MLLT3: variants seen among roughly 807,000 people sequenced by gnomAD.
MLLT3 encodes the protein protein AF-9.
MLLT3 carries 4 observed loss-of-function variants against 53.2 expected under a neutral mutation model. The ratio of observed to expected loss-of-function variants is 0.08; its 90% CI spans 0.04 to 0.17. The LOEUF (loss-of-function observed/expected upper bound fraction) is 0.17. Among genes scored for constraint, MLLT3 ranks in the 10% least tolerant of loss-of-function variants. The pLI is 1.00. For missense variants in MLLT3, 569 were observed against 684.0 expected (o/e 0.83, Z 1.87); for synonymous variants, 283 against 230.6 (o/e 1.23, Z -2.06).
At chr9:20,395,311 G>C (rs1822295576) in intron 5 of MLLT3, among the ~76,000 whole-genome samples, 1 of 152,146 alleles carries the variant, frequency 6.6e-6, no homozygotes. Context: ...AACGCTAAAT[G>C]TTATCTACTT....
chr9:20,423,038 T>C (rs756649242), intron 4 of MLLT3, among the ~76,000 whole-genome samples: 1 of 152,138 alleles, frequency 6.6e-6, no homozygotes, highest in Non-Finnish European at 1.5e-5. Context: ...GTGATAAAAC[T>C]GACACTCAAG....
intron 4 of MLLT3, among the ~76,000 whole-genome samples, chr9:20,424,805 G>A (rs1173529483): frequency 2.0e-5 from 3 of 152,144 alleles, no homozygotes; most frequent in Admixed American, 6.5e-5. Context: ...TCAGTAAAAT[G>A]AGGACCATAA....
intron 2 of MLLT3, chr9:20,532,768 G>T: frequency 3.8e-6 from 1 of 264,382 alleles, no homozygotes; most frequent in East Asian, 9.3e-5. Flanking sequence ...TATTACAAGC[G>T]GCTGAAAGCA....
chr9:20,499,303 T>C lies in MLLT3; in HGVS notation c.194-42517A>G, dbSNP rs79479826. 0.011 allele frequency among the ~76,000 whole-genome samples: 1,650 copies of C among 152,308 alleles called. 78 individuals are homozygous for C. The East Asian group carries it at 0.16, about 15-fold the overall frequency. On this transcript the variant is annotated intron_variant, in intron 2 of 10. Transcript: ENST00000380338. ...ATTCAAAGGTACCTGGGGTTAGGAT[T>C]CAACATATATTTGGGAGGATATAAC...
intron 5 of MLLT3, chr9:20,411,724 C>A (rs946646663): frequency 6.6e-6 from 1 of 151,874 alleles, no homozygotes; most frequent in African/African-American, 2.4e-5. Context: ...TCAAATTGAA[C>A]AAGAATTTTA....
intron 2 of MLLT3, among the ~76,000 whole-genome samples, chr9:20,495,490 T>A (rs549111983): frequency 6.6e-6 from 1 of 152,198 alleles, no homozygotes; most frequent in Non-Finnish European, 1.5e-5. Flanking sequence ...CAGTCAGCAA[T>A]GAATAAATCA....
chr9:20,408,211 C>A (rs1157296759), intron 5 of MLLT3, among the ~76,000 whole-genome samples: 1 of 151,992 alleles, frequency 6.6e-6, no homozygotes, highest in Non-Finnish European at 1.5e-5. Context: ...AATTTAAGAA[C>A]TGAGATACCA....
Position 20,621,365 on chromosome 9 carries a change from A to T in MLLT3, c.13-531T>A, listed in dbSNP as rs1377191546. 6.6e-6 allele frequency among the ~76,000 whole-genome samples: 1 copy of T among 152,060 alleles called. No homozygotes were observed. Among genetic ancestry groups the T allele is most frequent in the Non-Finnish European group, 1.5e-5 (1 of 67,980 alleles). ...GCCAGGCGAAATGGAAACTACAGGCAGCCTCTGCTGATGGGCACAAACTCC... is the reference window on the plus strand; with the variant it reads ...GCCAGGCGAAATGGAAACTACAGGCTGCCTCTGCTGATGGGCACAAACTCC... On this transcript the variant is annotated intron_variant, in intron 1 of 10. Coordinates refer to ENST00000380338, the MANE Select transcript of MLLT3 (RefSeq NM_004529.4). The surrounding 1 kb of genome is among the most constrained non-coding windows in gnomAD (Gnocchi z 7.0).
Position 20,621,643 on chromosome 9 carries a change from G to A in MLLT3, c.12+602C>T. ...AAAATGAAATTCAGAAAGGCAGGGC[G>A]GCGGGCGGACAGCCGCCGAGCCTCG... On this transcript the variant is annotated intron_variant, in intron 1 of 10. Coordinates refer to ENST00000380338, the MANE Select transcript of MLLT3 (RefSeq NM_004529.4). The surrounding 1 kb of genome is among the most constrained non-coding windows in gnomAD (Gnocchi z 7.0). 3.5e-6 allele frequency: 3 copies of A among 863,364 alleles called. No homozygotes were observed. Among genetic ancestry groups the A allele is most frequent in the Non-Finnish European group, 5.0e-6 (3 of 597,578 alleles). The allele number at this position is 863,364 out of a possible 1,614,324, so 53.5% of individuals were successfully genotyped here.
chr9:20,503,801 A>C (rs1825309761), intron 2 of MLLT3, among the ~76,000 whole-genome samples: 2 of 152,222 alleles, frequency 1.3e-5, no homozygotes, highest in Non-Finnish European at 2.9e-5. Flanking sequence ...CAAACCATGC[A>C]TCTGATAAAA....
At chr9:20,556,822 T>C (rs536604215) in intron 2 of MLLT3, among the ~76,000 whole-genome samples, 123 of 152,270 alleles carry the variant, frequency 8.1e-4, no homozygotes, top group African/African-American at 2.9e-3. Context: ...ATGACAATGT[T>C]AGATTTTTCA....
intron 5 of MLLT3, among the ~76,000 whole-genome samples, chr9:20,389,429 A>C (rs1167303936): frequency 6.6e-6 from 1 of 152,144 alleles, no homozygotes; most frequent in Non-Finnish European, 1.5e-5. Flanking sequence ...GGGCCAGTGA[A>C]ATTGTTCCAG....
intron 2 of MLLT3, among the ~76,000 whole-genome samples, chr9:20,565,924 A>ATATATATATATT (rs1819344610): frequency 3.5e-5 from 1 of 28,356 alleles, no homozygotes; most frequent in Non-Finnish European, 6.6e-5. Context: ...ATATATATTT[A>ATATATATATATT]TATATATATA....
chr9:20,588,386 T>C (rs1304387942), intron 2 of MLLT3, among the ~76,000 whole-genome samples: 25 of 151,816 alleles, frequency 1.6e-4, no homozygotes, highest in South Asian at 2.1e-4. Context: ...AAGAAAGGCA[T>C]TGGTAGCTTG....
At chr9:20,503,168 A>AT (rs1008669520) in intron 2 of MLLT3, among the ~76,000 whole-genome samples, 1 of 152,154 alleles carries the variant, frequency 6.6e-6, no homozygotes, top group East Asian at 1.9e-4. Flanking sequence ...TTTCAATGAC[A>AT]TTTTTTACAG....
In MLLT3 at chr9:20,343,360, G is replaced by C. The variant is rs1490747561; in HGVS notation, c.*3083C>G. ...TTAAGAGATATTTTTTTCCTGATCT[G>C]AAGTTTTTATAGTCTTCCCTACCTT... On this transcript the variant is annotated 3_prime_UTR_variant, in exon 11 of 11. Coordinates refer to ENST00000380338, the MANE Select transcript of MLLT3 (RefSeq NM_004529.4). 1 of 211,454 alleles carries C rather than the reference G, an allele frequency of 4.7e-6. No individual in the cohort carries two copies. Among genetic ancestry groups the C allele is most frequent in the South Asian group, 1.9e-4 (1 of 5,310 alleles). 13.1% of individuals were successfully genotyped at this position (211,454 alleles called of 1,614,324 possible).
intron 2 of MLLT3, among the ~76,000 whole-genome samples, chr9:20,574,875 A>G (rs1360762696): frequency 6.6e-6 from 1 of 152,218 alleles, no homozygotes. Context: ...GCTGAAGTCA[A>G]TTATCTCAAA....
chr9:20,465,397 C>T (rs1824210719), intron 2 of MLLT3, among the ~76,000 whole-genome samples: 2 of 151,980 alleles, frequency 1.3e-5, no homozygotes, highest in Admixed American at 1.3e-4. Context: ...TACGCTACAC[C>T]CATATTCTCT....
chr9:20,545,317 T>C (rs1383592631), intron 2 of MLLT3, among the ~76,000 whole-genome samples: 1 of 151,954 alleles, frequency 6.6e-6, no homozygotes, highest in Non-Finnish European at 1.5e-5. Context: ...AAAAGACAAA[T>C]ACCACATGAT....
Sources: gnomAD v4.1 joint callset for allele counts (sites outside exome capture counted in the v4.1 genomes callset) on GRCh38, gnomAD v4.1.1 for gene constraint, Gnocchi (gnomAD v3.1) non-coding constraint, MANE v1.5 for transcripts, NCBI Gene and HGNC (gene_info 2026-07-23, HGNC 2026-07-21) for gene names.